The following FMN2 variants were observed in gnomAD, a reference collection of about 807,000 sequenced individuals.
FMN2 encodes the protein formin-2.
In FMN2, 51 loss-of-function variants were observed where a neutral mutation model predicts 142.3. That is an observed-to-expected ratio of 0.36 (90% CI 0.29 to 0.45). The LOEUF is 0.45. FMN2 is among the 20% of genes least tolerant of loss of function. The pLI is 1.00. For missense variants in FMN2, 1,936 were observed against 2,122.8 expected (o/e 0.91, Z 1.73); for synonymous variants, 882 against 869.8 (o/e 1.01, Z -0.25).
At chr1:240,293,583 G>A (rs1336479631) in intron 7 of FMN2, among the ~76,000 whole-genome samples, 1 of 151,972 alleles carries the variant, frequency 6.6e-6, no homozygotes, top group Admixed American at 6.6e-5. Context: ...AAGGTATTTG[G>A]ACTGTGCCTT....
intron 2 of FMN2, among the ~76,000 whole-genome samples, chr1:240,132,280 A>G (rs180806415): frequency 1.4e-4 from 22 of 152,320 alleles, no homozygotes; most frequent in East Asian, 1.4e-3. Context: ...GGCATAGACC[A>G]TAGGTTGTAT....
intron 7 of FMN2, among the ~76,000 whole-genome samples, chr1:240,267,163 C>G (rs895916705): frequency 2.6e-5 from 4 of 151,996 alleles, no homozygotes; most frequent in African/African-American, 9.7e-5. Flanking sequence ...AACGGACAAC[C>G]TACAGGATGG....
chr1:240,415,590 G>T (rs1674551996), intron 15 of FMN2, among the ~76,000 whole-genome samples: 1 of 151,978 alleles, frequency 6.6e-6, no homozygotes, highest in Admixed American at 6.6e-5. Flanking sequence ...TGTGTATAAT[G>T]ATTCTTGTAA....
chr1:240,363,040 A>C (rs373539545), intron 14 of FMN2, among the ~76,000 whole-genome samples: 5 of 152,262 alleles, frequency 3.3e-5, no homozygotes, highest in Non-Finnish European at 1.5e-5. Flanking sequence ...CAGCTCTTAA[A>C]TATACAGTCT....
chr1:240,222,920 C>T lies in FMN2; in HGVS notation c.4065+11685C>T, dbSNP rs181308820. On this transcript the variant is annotated intron_variant, in intron 6 of 17. Coordinates refer to ENST00000319653, the MANE Select transcript of FMN2 (RefSeq NM_020066.5). Reference sequence around the variant, plus strand: ...GAGACGATGGGATTTTCTAAATATACAATCATGTCATCTGCAAACGGAGAC... The same window carrying T: ...GAGACGATGGGATTTTCTAAATATATAATCATGTCATCTGCAAACGGAGAC... Among the ~76,000 whole-genome samples, 287 of 152,292 alleles carry T rather than the reference C, an allele frequency of 1.9e-3. 1 individual carries two copies. Among genetic ancestry groups the T allele is most frequent in the African/African-American group, 6.8e-3 (284 of 41,558 alleles).
chr1:240,276,463 A>C (rs564858542), intron 7 of FMN2, among the ~76,000 whole-genome samples: 58 of 152,312 alleles, frequency 3.8e-4, no homozygotes, highest in Middle Eastern at 6.8e-3. Flanking sequence ...GAAACTGATG[A>C]GAACACTTTG....
At chr1:240,119,906 C>T (rs1662168096) in intron 1 of FMN2, among the ~76,000 whole-genome samples, 1 of 152,146 alleles carries the variant, frequency 6.6e-6, no homozygotes, top group Admixed American at 6.6e-5. Flanking sequence ...AATTCGGTAA[C>T]ATGAATACAA....
chr1:240,108,910 C>A (rs1299574331), intron 1 of FMN2, among the ~76,000 whole-genome samples: 1 of 152,230 alleles, frequency 6.6e-6, no homozygotes, highest in African/African-American at 2.4e-5. Context: ...GTGGCGAGAG[C>A]CTGTAATCCC....
intron 15 of FMN2, among the ~76,000 whole-genome samples, chr1:240,428,579 G>A (rs1450094769): frequency 1.3e-5 from 2 of 152,070 alleles, no homozygotes; most frequent in Non-Finnish European, 2.9e-5. Flanking sequence ...GACCTTCTCT[G>A]CTATCTTCTT....
At chr1:240,111,467 G>T (rs2103195311) in intron 1 of FMN2, among the ~76,000 whole-genome samples, 1 of 152,278 alleles carries the variant, frequency 6.6e-6, no homozygotes, top group South Asian at 2.1e-4. Flanking sequence ...TAAACAAGGG[G>T]TGAATTATCC....
intron 16 of FMN2, among the ~76,000 whole-genome samples, chr1:240,452,826 C>T (rs1449493483): frequency 2.0e-5 from 3 of 152,164 alleles, no homozygotes; most frequent in Non-Finnish European, 4.4e-5. Flanking sequence ...TTCTTAAATT[C>T]ATGTGCTGTT....
chr1:240,168,421 TC>T (rs1049298918), intron 2 of FMN2, among the ~76,000 whole-genome samples: 39 of 151,990 alleles, frequency 2.6e-4, no homozygotes, highest in African/African-American at 8.7e-4. Context: ...ACTCCATCTC[TC>T]CAAAAAACAA....
chr1:240,303,738 T>A (rs970830186), intron 8 of FMN2, among the ~76,000 whole-genome samples: 3 of 152,160 alleles, frequency 2.0e-5, no homozygotes, highest in African/African-American at 7.2e-5. Flanking sequence ...CATTATTTTT[T>A]AAAAATATCC....
At chr1:240,180,950 T>C (rs1476978515) in intron 3 of FMN2, among the ~76,000 whole-genome samples, 1 of 152,062 alleles carries the variant, frequency 6.6e-6, no homozygotes, top group Non-Finnish European at 1.5e-5. Context: ...GCTTAGAAAA[T>C]TGAGGACTTT....
chr1:240,212,034 A>C (rs1237105871), intron 6 of FMN2, among the ~76,000 whole-genome samples: 1 of 151,662 alleles, frequency 6.6e-6, no homozygotes, highest in Non-Finnish European at 1.5e-5. Context: ...GGCAGGAAAG[A>C]GGTCTTGGAA....
Position 240,317,795 on chromosome 1 carries a change from T to C in FMN2, c.4216-11281T>C, listed in dbSNP as rs574454377. 2.6e-5 allele frequency among the ~76,000 whole-genome samples: 4 copies of C among 152,328 alleles called. No individual in the cohort carries two copies. In the South Asian group the frequency reaches 8.3e-4, roughly 32 times the overall value. ...ACTGCAATTGTTGTGTTACAAGTTG[T>C]GTATATTTACGTTTTAAGAAACTGA... On this transcript the variant is annotated intron_variant, in intron 8 of 17. Coordinates refer to ENST00000319653, the MANE Select transcript of FMN2 (RefSeq NM_020066.5).
chr1:240,274,736 A>C (rs2102926470), intron 7 of FMN2, among the ~76,000 whole-genome samples: 1 of 152,186 alleles, frequency 6.6e-6, no homozygotes, highest in Non-Finnish European at 1.5e-5. Flanking sequence ...GGAGCAGTGG[A>C]GACGTGTGAG....
chr1:240,227,970 A>G (rs190446233), intron 6 of FMN2, among the ~76,000 whole-genome samples: 6 of 152,238 alleles, frequency 3.9e-5, no homozygotes, highest in African/African-American at 4.8e-5. Context: ...AATAACTCCT[A>G]CAACTCAATA....
At position 240,166,546 on chromosome 1, in the gene FMN2, C is replaced by T. The variant is rs1474028325; in HGVS notation, c.1783-11375C>T. 5.9e-5 allele frequency among the ~76,000 whole-genome samples: 9 copies of T among 152,148 alleles called. No homozygotes were observed. In the South Asian group the frequency reaches 1.5e-3, roughly 25 times the overall value. ...CACCCAGCCTCGTGTATTATATTTA[C>T]AATATAAATTTATAGCCAAATACTT... On this transcript the variant is annotated intron_variant, in intron 2 of 17. Coordinates refer to ENST00000319653, the MANE Select transcript of FMN2 (RefSeq NM_020066.5).
Sources: gnomAD v4.1 joint callset for allele counts (sites outside exome capture counted in the v4.1 genomes callset) on GRCh38, gnomAD v4.1.1 for gene constraint, MANE v1.5 for transcripts, NCBI Gene and HGNC (gene_info 2026-07-23, HGNC 2026-07-21) for gene names.